SEMA3A: variants seen among roughly 807,000 people sequenced by gnomAD.
The protein encoded by SEMA3A is semaphorin-3A.
In SEMA3A, 29 loss-of-function variants were observed where a neutral mutation model predicts 97.9. That is an observed-to-expected ratio of 0.30 (90% CI 0.22 to 0.40). The LOEUF is 0.40. SEMA3A is among the 10% of genes least tolerant of loss of function. SEMA3A has a pLI of 1.00. For synonymous variants in SEMA3A, 321 were observed against 323.7 expected (o/e 0.99, Z 0.09); for missense variants, 763 against 951.3 (o/e 0.80, Z 2.60).
chr7:84,123,788 A>G (rs932084814), intron 3 of SEMA3A, among the ~76,000 whole-genome samples: 5 of 149,260 alleles, frequency 3.3e-5, no homozygotes, highest in African/African-American at 1.2e-4. Context: ...TGATAACCTT[A>G]TATATATATA....
At chr7:84,088,084 G>A (rs6467983) in intron 4 of SEMA3A, among the ~76,000 whole-genome samples, 62,722 of 151,998 alleles carry the variant, frequency 0.41, 14,807 homozygotes, top group Non-Finnish European at 0.52. Flanking sequence ...AGTTCTGAGG[G>A]CGGGAAACAT....
chr7:84,163,325 T>A (rs1471350536), intron 1 of SEMA3A, among the ~76,000 whole-genome samples: 1 of 152,150 alleles, frequency 6.6e-6, no homozygotes, highest in African/African-American at 2.4e-5. Context: ...GTGTACTTTT[T>A]AAAACACACT....
At chr7:84,080,958 A>T (rs926618109) in intron 4 of SEMA3A, among the ~76,000 whole-genome samples, 4 of 152,130 alleles carry the variant, frequency 2.6e-5, no homozygotes, top group Non-Finnish European at 4.4e-5. Context: ...ATTAACACAT[A>T]CAAAAATATG....
At chr7:84,394,255 T>C (rs558649088) in intron 1 of SEMA3A, among the ~76,000 whole-genome samples, 138 of 152,106 alleles carry the variant, frequency 9.1e-4, no homozygotes, top group Non-Finnish European at 9.1e-4. Flanking sequence ...AATAACATTA[T>C]AGTGAAAATT....
chr7:84,289,492 C>A (rs951118553), intron 3 of SEMA3A, among the ~76,000 whole-genome samples: 2 of 151,854 alleles, frequency 1.3e-5, no homozygotes, highest in African/African-American at 4.8e-5. Flanking sequence ...TAAATATGTA[C>A]AATTATTATC....
intron 1 of SEMA3A, among the ~76,000 whole-genome samples, chr7:84,147,088 T>C (rs558782545): frequency 1.6e-4 from 24 of 152,290 alleles, no homozygotes; most frequent in Admixed American, 1.2e-3. Flanking sequence ...AGCACGTGTT[T>C]TTTAAAAAAA....
At chr7:84,317,687 G>A (rs972062764) in intron 2 of SEMA3A, among the ~76,000 whole-genome samples, 2 of 151,704 alleles carry the variant, frequency 1.3e-5, no homozygotes, top group African/African-American at 4.8e-5. Context: ...ACTATTCCTT[G>A]TCTCAACATA....
Position 84,312,321 on chromosome 7 carries a change from C to T in SEMA3A, c.-168-5029G>A, listed in dbSNP as rs112480782. ...TTCTTAGTGCCTTTTTCAGCAGACT[C>T]TACATCAGCCTGGACAAATTTCTTG... On this transcript the variant is annotated intron_variant, in intron 2 of 3. Coordinates refer to the SEMA3A transcript ENST00000424555. 3.3e-5 allele frequency among the ~76,000 whole-genome samples: 5 copies of T among 151,878 alleles called. 1 individual carries two copies. The highest frequency in any genetic ancestry group is 1.2e-4 in the African/African-American group (5 of 41,502).
chr7:84,465,628 A>G (rs1805971029), intron 1 of SEMA3A, among the ~76,000 whole-genome samples: 1 of 152,164 alleles, frequency 6.6e-6, no homozygotes, highest in Non-Finnish European at 1.5e-5. Context: ...TCAACATACA[A>G]CAAATAAAAT....
intron 1 of SEMA3A, among the ~76,000 whole-genome samples, chr7:84,449,599 C>A (rs567455519): frequency 6.6e-6 from 1 of 152,228 alleles, no homozygotes; most frequent in Non-Finnish European, 1.5e-5. Context: ...AGAAAACTCC[C>A]AGCCTAGATG....
At chr7:84,009,066 T>C (rs894076838) in intron 9 of SEMA3A, among the ~76,000 whole-genome samples, 1 of 152,210 alleles carries the variant, frequency 6.6e-6, no homozygotes, top group Non-Finnish European at 1.5e-5. Flanking sequence ...TCTCTAGCTC[T>C]CAAAAGGTGG....
intron 1 of SEMA3A, among the ~76,000 whole-genome samples, chr7:84,421,788 T>C (rs1254802083): frequency 6.6e-6 from 1 of 152,140 alleles, no homozygotes; most frequent in African/African-American, 2.4e-5. Flanking sequence ...GTGGTTTTTT[T>C]TGTTGGTTCT....
At chr7:84,027,796 T>C (rs1791601856) in intron 6 of SEMA3A, among the ~76,000 whole-genome samples, 1 of 152,120 alleles carries the variant, frequency 6.6e-6, no homozygotes, top group Non-Finnish European at 1.5e-5. Context: ...TCTTGAGTTC[T>C]CACTCATAAA....
At chr7:84,129,294 A>G in intron 2 of SEMA3A, 109 bp from the exon 3 acceptor site, 1 of 881,734 alleles carries the variant, frequency 1.1e-6, no homozygotes, top group Non-Finnish European at 1.8e-6. Context: ...AGAAAGTTCC[A>G]TAAAGACTGT....
intron 12 of SEMA3A, 68 bp downstream of exon 12, chr7:84,001,887 T>C (rs886102079): frequency 1.9e-6 from 2 of 1,045,442 alleles, no homozygotes; most frequent in Admixed American, 1.9e-5. Context: ...CCAAGTTCAG[T>C]GTGCAGCTGT....
At chr7:84,162,579 C>T (rs1424677621) in intron 1 of SEMA3A, among the ~76,000 whole-genome samples, 3 of 151,630 alleles carry the variant, frequency 2.0e-5, no homozygotes, top group African/African-American at 4.9e-5. Flanking sequence ...GGCTCATATC[C>T]TCAATTTTTT....
intron 2 of SEMA3A, among the ~76,000 whole-genome samples, chr7:84,327,563 G>T (rs1386396322): frequency 6.6e-6 from 1 of 151,844 alleles, no homozygotes; most frequent in Non-Finnish European, 1.5e-5. Context: ...ATGAGAGCAT[G>T]AAAAATTATT....
chr7:84,027,005 T>TA (rs1290933669), intron 6 of SEMA3A, among the ~76,000 whole-genome samples: 175 of 148,394 alleles, frequency 1.2e-3, no homozygotes, highest in Non-Finnish European at 1.9e-3. Context: ...AAATAAAAGT[T>TA]AAAAAAAAAA....
intron 4 of SEMA3A, 137 bp downstream of exon 4, chr7:84,110,333 A>T: frequency 1.1e-6 from 1 of 891,798 alleles, no homozygotes; most frequent in Non-Finnish European, 1.7e-6. Context: ...GATTAAAATT[A>T]ATAACAGCAT....
Sources: allele counts gnomAD v4.1 joint callset (sites outside exome capture counted in the v4.1 genomes callset), GRCh38; gene constraint gnomAD v4.1.1; transcripts MANE v1.5; gene names NCBI Gene and HGNC (gene_info 2026-07-23, HGNC 2026-07-21).